The following DOCK3 variants were observed in gnomAD, a reference collection of about 807,000 sequenced individuals.
DOCK3 encodes the protein dedicator of cytokinesis protein 3.
A neutral mutation model predicts 265.6 loss-of-function variants in DOCK3; 60 were observed. The ratio of observed to expected loss-of-function variants is 0.23; its 90% CI spans 0.18 to 0.28. The LOEUF (loss-of-function observed/expected upper bound fraction) is 0.28, where lower values mean the gene tolerates loss of function less well. Ranked by LOEUF, DOCK3 falls within the 10% of genes least tolerant of loss-of-function variation. The pLI, the probability that DOCK3 is intolerant of heterozygous loss-of-function variation, is 1.00. For missense variants in DOCK3, 1,981 were observed against 2,594.3 expected (o/e 0.76, Z 5.14); for synonymous variants, 881 against 938.0 (o/e 0.94, Z 1.11).
chr3:50,908,389 G>GC (rs1393236196), intron 4 of DOCK3, among the ~76,000 whole-genome samples: 5 of 151,876 alleles, frequency 3.3e-5, no homozygotes, highest in Middle Eastern at 3.2e-3. Flanking sequence ...TCTTAACCCT[G>GC]CTTTAGCAGC....
At chr3:51,056,920 G>C (rs1169716445) in intron 5 of DOCK3, among the ~76,000 whole-genome samples, 1 of 152,128 alleles carries the variant, frequency 6.6e-6, no homozygotes, top group East Asian at 1.9e-4. Flanking sequence ...AAAGTTTTTA[G>C]TACTAGTGGC....
Position 50,924,213 on chromosome 3 carries a change from CT to C in DOCK3, c.219-9764del, listed in dbSNP as rs2050647406. On this transcript the variant is annotated intron_variant, in intron 4 of 52. Transcript: ENST00000266037. ...ATTAGGTGTGAGAATGAGAAGTTGTCTTTTACATTTCTACTTCATGTTTCTG... is the reference window on the plus strand; with the variant it reads ...ATTAGGTGTGAGAATGAGAAGTTGTCTTTACATTTCTACTTCATGTTTCTG... 5.9e-5 allele frequency among the ~76,000 whole-genome samples: 9 copies of C among 152,248 alleles called. No individual in the cohort carries two copies. The South Asian group carries it at 1.9e-3, about 32-fold the overall frequency.
chr3:50,954,689 G>T (rs1360680945), intron 5 of DOCK3, among the ~76,000 whole-genome samples: 12 of 151,616 alleles, frequency 7.9e-5, no homozygotes, highest in Non-Finnish European at 1.6e-4. Flanking sequence ...TTTTTTTCTT[G>T]TAAATTTAAG....
intron 3 of DOCK3, among the ~76,000 whole-genome samples, chr3:50,879,130 A>C (rs527912782): frequency 7.2e-5 from 11 of 152,334 alleles, no homozygotes; most frequent in Admixed American, 5.2e-4. Flanking sequence ...TGAAGGAAGC[A>C]CTAAACATGG....
At chr3:50,933,788 TCTTTA>T (rs1213018876) in intron 4 of DOCK3, among the ~76,000 whole-genome samples, 188 bp from the exon 5 acceptor site, 2 of 152,228 alleles carry the variant, frequency 1.3e-5, no homozygotes, top group African/African-American at 2.4e-5. Context: ...AACCCAAATC[TCTTTA>T]CTTTAATTCA....
intron 32 of DOCK3, among the ~76,000 whole-genome samples, chr3:51,328,784 T>C (rs1337762995): frequency 6.6e-6 from 1 of 152,234 alleles, no homozygotes; most frequent in Non-Finnish European, 1.5e-5. Flanking sequence ...TTATAGTACA[T>C]TATTTCATGC....
intron 1 of DOCK3, among the ~76,000 whole-genome samples, chr3:50,763,225 TTACTGCC>T (rs2040639558): frequency 6.6e-6 from 1 of 152,206 alleles, no homozygotes; most frequent in African/African-American, 2.4e-5. Flanking sequence ...GGCATTGTGA[TTACTGCC>T]TCAATCTCTT....
At chr3:51,333,326 T>A in intron 35 of DOCK3, 73 bp downstream of exon 35, 1 of 1,449,520 alleles carries the variant, frequency 6.9e-7, no homozygotes, top group Non-Finnish European at 9.6e-7. Context: ...CCCCCTGACC[T>A]GAAAACTGAG....
chr3:50,899,297 A>G (rs1009097668), intron 4 of DOCK3, among the ~76,000 whole-genome samples: 1 of 151,980 alleles, frequency 6.6e-6, no homozygotes, highest in Admixed American at 6.6e-5. Context: ...CTAGGACTGC[A>G]ACCTCTGTTT....
intron 12 of DOCK3, among the ~76,000 whole-genome samples, chr3:51,199,632 A>G (rs2088574845): frequency 6.6e-6 from 1 of 152,336 alleles, no homozygotes; most frequent in South Asian, 2.1e-4. Context: ...ACAAAAAGAC[A>G]GCAGTAACCT....
chr3:51,062,711 A>C (rs2081452414), intron 5 of DOCK3, among the ~76,000 whole-genome samples: 1 of 152,254 alleles, frequency 6.6e-6, no homozygotes, highest in Admixed American at 6.5e-5. Context: ...TGAATGAATG[A>C]ATGCTTGTGG....
chr3:51,296,479 G>GTT (rs758797081), intron 27 of DOCK3, among the ~76,000 whole-genome samples: 1,593 of 140,692 alleles, frequency 0.011, 33 homozygotes, highest in African/African-American at 0.037. Flanking sequence ...ACTTAAATTG[G>GTT]TTTTTTTTTT....
chr3:50,796,193 A>ACCATGC (rs1282734280), intron 2 of DOCK3, among the ~76,000 whole-genome samples: 15 of 150,454 alleles, frequency 1.0e-4, no homozygotes, highest in Non-Finnish European at 3.0e-5. Context: ...GGCGCCCACC[A>ACCATGC]CCATGCCCAG....
At chr3:51,271,612 A>G (rs900309186) in intron 24 of DOCK3, among the ~76,000 whole-genome samples, 4 of 152,128 alleles carry the variant, frequency 2.6e-5, no homozygotes, top group African/African-American at 9.7e-5. Context: ...CAAGAAAATA[A>G]AAGAGGCCCT....
chr3:51,145,955 C>T (rs1209783613), intron 9 of DOCK3, among the ~76,000 whole-genome samples: 1 of 152,142 alleles, frequency 6.6e-6, no homozygotes, highest in Non-Finnish European at 1.5e-5. Context: ...AGGGTTTGTG[C>T]GCCTGTGAAA....
chr3:50,925,117 A>G (rs925154272), intron 4 of DOCK3, among the ~76,000 whole-genome samples: 2 of 152,138 alleles, frequency 1.3e-5, no homozygotes, highest in Non-Finnish European at 2.9e-5. Context: ...CTTTTATCTT[A>G]ATTTTAATGA....
At chr3:51,173,621 T>C (rs1205490880) in intron 12 of DOCK3, among the ~76,000 whole-genome samples, 2 of 152,238 alleles carry the variant, frequency 1.3e-5, no homozygotes, top group African/African-American at 4.8e-5. Flanking sequence ...GGGATTTTTT[T>C]TAAGCACTGA....
At chr3:51,011,671 C>T (rs2078958075) in intron 5 of DOCK3, among the ~76,000 whole-genome samples, 1 of 152,216 alleles carries the variant, frequency 6.6e-6, no homozygotes, top group Non-Finnish European at 1.5e-5. Context: ...GGGCGAGGAG[C>T]TGCATTCCTT....
intron 2 of DOCK3, among the ~76,000 whole-genome samples, chr3:50,824,104 C>G (rs1176792940): frequency 6.6e-6 from 1 of 152,052 alleles, no homozygotes; most frequent in African/African-American, 2.4e-5. Flanking sequence ...GAGTCTAGAC[C>G]AGTATATTTT....
Sources: gnomAD v4.1 joint callset for allele counts (sites outside exome capture counted in the v4.1 genomes callset) on GRCh38, gnomAD v4.1.1 for gene constraint, MANE v1.5 for transcripts, NCBI Gene and HGNC (gene_info 2026-07-23, HGNC 2026-07-21) for gene names.